SEC16B: variants seen among roughly 807,000 people sequenced by gnomAD.
SEC16B encodes protein transport protein Sec16B.
In SEC16B, 115 loss-of-function variants were observed where a neutral mutation model predicts 141.8. The observed-to-expected ratio is 0.81, with a 90% CI of 0.70 to 0.95. The LOEUF (loss-of-function observed/expected upper bound fraction) is 0.95. Ranked by LOEUF, SEC16B falls within the 40% of genes least tolerant of loss-of-function variation. SEC16B has a pLI of 0.00. For missense variants in SEC16B, 1,291 were observed against 1,312.3 expected, an observed-to-expected ratio of 0.98 and a Z score of 0.25; for synonymous variants, 493 against 492.5, an observed-to-expected ratio of 1.00 and a Z score of -0.01.
At chr1:177,938,061 G>A (rs968054864) in intron 18 of SEC16B, among the ~76,000 whole-genome samples, 1 of 152,020 alleles carries the variant, frequency 6.6e-6, no homozygotes, top group African/African-American at 2.4e-5. Flanking sequence ...CGGCCACAAG[G>A]TTTTTTTTCT....
intron 12 of SEC16B, among the ~76,000 whole-genome samples, chr1:177,949,448 C>A (rs541495556): frequency 6.7e-6 from 1 of 149,560 alleles, no homozygotes; most frequent in East Asian, 2.0e-4. Flanking sequence ...ACTTAGAGGT[C>A]ATTATTCTGT....
intron 7 of SEC16B, 46 bp from the exon 8 acceptor site, chr1:177,960,449 T>C: frequency 7.6e-7 from 1 of 1,321,516 alleles, no homozygotes; most frequent in Non-Finnish European, 1.1e-6. Flanking sequence ...GTGGCCACCC[T>C]AGGCCCCTTT....
At chr1:177,978,831 T>A (rs1654288024) in intron 1 of SEC16B, among the ~76,000 whole-genome samples, 1 of 152,216 alleles carries the variant, frequency 6.6e-6, no homozygotes, top group Non-Finnish European at 1.5e-5. Context: ...TTAACTTTTA[T>A]CTTAGCTATT....
chr1:177,929,848 G>C lies in SEC16B; in HGVS notation c.*10C>G. The stretch of plus-strand genomic sequence containing the variant: ...GTCCTGGGAGATGAGCCTGGGACGT[G>C]TGTTTATTCTCAGCATGGCTGGGTG... On this transcript the variant is annotated 3_prime_UTR_variant, in exon 26 of 26. Coordinates refer to ENST00000308284, the MANE Select transcript of SEC16B (RefSeq NM_033127.4). The C allele has an allele frequency of 6.2e-7, 1 of 1,613,742 alleles. No individual in the cohort carries two copies. Among genetic ancestry groups the C allele is most frequent in the Middle Eastern group, 1.6e-4 (1 of 6,062 alleles).
chr1:177,972,837 C>T (rs1256318921), upstream of SEC16B, among the ~76,000 whole-genome samples: 1 of 152,110 alleles, frequency 6.6e-6, no homozygotes, highest in Non-Finnish European at 1.5e-5. Flanking sequence ...AGAGTGGAGC[C>T]TTGTCAATGG....
intron 21 of SEC16B, 45 bp downstream of exon 21, chr1:177,933,439 T>TGGCAGGGGAAGGAA (rs1227631590): frequency 2.5e-6 from 4 of 1,598,192 alleles, no homozygotes; most frequent in Non-Finnish European, 3.4e-6. Context: ...AGGAAGGGAA[T>TGGCAGGGGAAGGAA]GGCAGGGGAA....
chr1:177,976,370 G>A (rs1654171575), intron 1 of SEC16B, among the ~76,000 whole-genome samples: 1 of 152,140 alleles, frequency 6.6e-6, no homozygotes, highest in Non-Finnish European at 1.5e-5. Context: ...CTGACCCCAT[G>A]TCAAGCTCCA....
chr1:177,983,899 C>G (rs1654524947), intron 1 of SEC16B, among the ~76,000 whole-genome samples: 1 of 152,186 alleles, frequency 6.6e-6, no homozygotes. Flanking sequence ...TTCTTTTGCA[C>G]ATTAACAATC....
intron 24 of SEC16B, among the ~76,000 whole-genome samples, chr1:177,931,250 G>A (rs571059132): frequency 1.3e-5 from 2 of 152,298 alleles, no homozygotes; most frequent in Middle Eastern, 6.8e-3. Flanking sequence ...CCATTAAAAT[G>A]AACAAAATAA....
rs767339194 is a variant in SEC16B at position 177,960,331 on chromosome 1, C to T, written c.998+11G>A. ...AAAAGCCCTTACTCAGCAGCTCTTA[C>T]AGCACTATACCTAATCAAGGGTCCT... On this transcript the variant is annotated intron_variant, in intron 8 of 25. Coordinates refer to ENST00000308284, the MANE Select transcript of SEC16B (RefSeq NM_033127.4). The T allele has an allele frequency of 1.9e-6, 3 of 1,575,254 alleles. No homozygotes were observed. The highest frequency in any genetic ancestry group is 2.6e-6 in the Non-Finnish European group (3 of 1,147,664).
rs188028099 is a variant in SEC16B, at chr1:177,957,964, T to C, written c.1365+168A>G. Among the ~76,000 whole-genome samples, 279 of 152,254 alleles carry C rather than the reference T, an allele frequency of 1.8e-3. 3 individuals are homozygous for C. The highest frequency in any genetic ancestry group is 3.2e-3 in the Non-Finnish European group (216 of 68,018). On this transcript the variant is annotated intron_variant, in intron 10 of 25. Coordinates refer to ENST00000308284, the MANE Select transcript of SEC16B (RefSeq NM_033127.4). The stretch of plus-strand genomic sequence containing the variant: ...TTTCATTTAATAGTTCATTGTCTTT[T>C]AGTGGTAGAACTATGGGTGTTTTCA...
chr1:177,977,350 G>T (rs1654210005), intron 1 of SEC16B, among the ~76,000 whole-genome samples: 1 of 152,168 alleles, frequency 6.6e-6, no homozygotes, highest in African/African-American at 2.4e-5. Context: ...AAGCCAGACA[G>T]ACTCAAGCCA....
chr1:177,950,086 A>T (rs1652051019), intron 12 of SEC16B, among the ~76,000 whole-genome samples: 1 of 152,086 alleles, frequency 6.6e-6, no homozygotes, highest in Admixed American at 6.6e-5. Flanking sequence ...TAGCCGGTTG[A>T]TTTGATGATG....
chr1:177,950,270 C>T (rs886404954), intron 12 of SEC16B, among the ~76,000 whole-genome samples: 1 of 152,130 alleles, frequency 6.6e-6, no homozygotes. Context: ...ATTGGACAGA[C>T]GTGCCTCCAT....
In SEC16B at chr1:177,932,522, C is replaced by G; in HGVS notation, c.2980G>C (p.Gly994Arg). Residue 994 changes from glycine to arginine, a missense_variant, in exon 24 of 26, where the codon GGC (glycine) becomes CGC (arginine). Gly to Arg is a moderately radical substitution (Grantham distance 125, BLOSUM62 -2). Transcript: ENST00000308284. ...GSASSGGAAAGAGVGGLSGPE... is the reference protein window; with the variant it reads ...GSASSGGAAARAGVGGLSGPE... ...CCAGACAAGCCTCCAACCCCAGCGC[C>G]CGCAGCTGCTCCCCCGCTGGATGCG... 1 of 1,557,130 alleles carries G rather than the reference C, an allele frequency of 6.4e-7. No individual in the cohort carries two copies. Among genetic ancestry groups the G allele is most frequent in the Non-Finnish European group, 8.7e-7 (1 of 1,150,918 alleles).
chr1:177,966,067 G>A (rs780335781), intron 2 of SEC16B, 62 bp from the exon 3 acceptor site: 15 of 1,064,812 alleles, frequency 1.4e-5, no homozygotes, highest in Admixed American at 1.1e-4. Context: ...AGAAACCAAT[G>A]AAGAACTTGA....
intron 1 of SEC16B, among the ~76,000 whole-genome samples, chr1:177,980,403 T>G (rs921655421): frequency 6.6e-6 from 1 of 152,126 alleles, no homozygotes; most frequent in Non-Finnish European, 1.5e-5. Context: ...GAGAAAAGCC[T>G]TTTCCCCATA....
chr1:177,952,862 TA>T (rs372377895), intron 11 of SEC16B, among the ~76,000 whole-genome samples: 17 of 152,236 alleles, frequency 1.1e-4, no homozygotes, highest in African/African-American at 3.6e-4. Context: ...CAGAGGATAA[TA>T]AAGTGCACCG....
chr1:177,937,648 G>A (rs1157961125), intron 18 of SEC16B, 135 bp from the exon 19 acceptor site: 1 of 657,640 alleles, frequency 1.5e-6, no homozygotes, highest in Non-Finnish European at 2.5e-6. Context: ...GCGGCTTCCA[G>A]TAACATGATG....
Sources: allele counts gnomAD v4.1 joint callset (sites outside exome capture counted in the v4.1 genomes callset), GRCh38; gene constraint gnomAD v4.1.1; transcripts MANE v1.5; gene names NCBI Gene and HGNC (gene_info 2026-07-23, HGNC 2026-07-21).